The following ANO9 variants were observed in gnomAD, a reference collection of about 807,000 sequenced individuals.
The protein encoded by ANO9 is anoctamin-9.
Under a neutral mutation model 100.5 loss-of-function variants are expected in ANO9, and 80 were observed. The observed-to-expected ratio is 0.80, with a 90% CI of 0.66 to 0.96. The LOEUF is 0.96. Ranked by LOEUF, ANO9 falls within the 40% of genes least tolerant of loss-of-function variation. The pLI, the probability that ANO9 is intolerant of heterozygous loss-of-function variation, is 0.00. For synonymous variants in ANO9, 473 were observed against 435.6 expected, an observed-to-expected ratio of 1.09 and a Z score of -1.07; for missense variants, 1,064 against 1,072.7, an observed-to-expected ratio of 0.99 and a Z score of 0.11.
chr11:437,323 A>T (rs565721513), intron 1 of ANO9, among the ~76,000 whole-genome samples: 1 of 152,138 alleles, frequency 6.6e-6, no homozygotes, highest in East Asian at 1.9e-4. Flanking sequence ...GCACTAAGGC[A>T]TCCGACGCCC....
At position 432,424 on chromosome 11, in the gene ANO9, T is replaced by G; in HGVS notation, c.351-370A>C. On this transcript the variant is annotated intron_variant, in intron 4 of 22. Coordinates refer to ENST00000332826, the MANE Select transcript of ANO9 (RefSeq NM_001012302.3). The surrounding 1 kb of genome is among the most constrained non-coding windows in gnomAD (Gnocchi z 4.8). Reference sequence around the variant, plus strand: ...CCTGCATCCGCACACACCCTCCTTATACCCTGGAGCTGTTCTGTTCCACTG... The same window carrying G: ...CCTGCATCCGCACACACCCTCCTTAGACCCTGGAGCTGTTCTGTTCCACTG... The G allele has an allele frequency of 1.4e-4, 42 of 301,232 alleles. No individual in the cohort carries two copies. Among genetic ancestry groups the G allele is most frequent in the Non-Finnish European group, 2.2e-4 (35 of 156,128 alleles). The allele number at this position is 301,232 out of a possible 1,614,324, so 18.7% of individuals were successfully genotyped here. A position where few individuals can be genotyped will look rare whatever the true frequency, so the allele number is the denominator to read the frequency against.
chr11:433,100 T>C (rs914698750), intron 4 of ANO9: 5 of 607,494 alleles, frequency 8.2e-6, no homozygotes, highest in South Asian at 7.6e-5. Flanking sequence ...CAGAATGCTC[T>C]GAGCGTTGAG....
chr11:423,033 C>T (rs1848286723), intron 15 of ANO9, among the ~76,000 whole-genome samples: 1 of 152,000 alleles, frequency 6.6e-6, no homozygotes, highest in African/African-American at 2.4e-5. Flanking sequence ...TTTCACCATG[C>T]TGGCCAGGCT....
Position 434,060 on chromosome 11 carries a change from C to A in ANO9, c.45G>T (p.Gly15=), listed in dbSNP as rs1036361449. The part of the protein sequence containing the change: ...ESLRILVEPE[G]DSFPLMEIST... ...TGATCTCCATCAGCGGGAAGCTGTCCCCTTCGGGCTCCACCAGGATCCGGA... is the reference window on the plus strand; with the variant it reads ...TGATCTCCATCAGCGGGAAGCTGTCACCTTCGGGCTCCACCAGGATCCGGA... The change falls in exon 2 of 23, where the codon GGG becomes GGT. Residue 15 remains glycine (G), a synonymous_variant. Transcript: ENST00000332826. The A allele has an allele frequency of 6.4e-7, 1 of 1,551,004 alleles. No individual in the cohort carries two copies. Among genetic ancestry groups the A allele is most frequent in the East Asian group, 2.4e-5 (1 of 41,004 alleles).
rs1263503204 is a variant in ANO9 at position 420,944 on chromosome 11, C to T, written c.1490+1G>A. On this transcript the variant is annotated splice_donor_variant, in intron 17 of 22. Coordinates refer to ENST00000332826, the MANE Select transcript of ANO9 (RefSeq NM_001012302.3). LOFTEE classifies it high-confidence loss of function. ...GGGGCTGGGCGGGGGTCGGCACTCA[C>T]GGGACCAGGTACTCGACGCAGTTGC... The T allele has an allele frequency of 6.2e-7, 1 of 1,603,234 alleles. No individual in the cohort carries two copies. The highest frequency in any genetic ancestry group is 8.5e-7 in the Non-Finnish European group (1 of 1,173,954).
At position 432,663 on chromosome 11, in the gene ANO9, C is replaced by T. The variant is rs1452039191; in HGVS notation, c.351-609G>A. 7.7e-5 allele frequency: 12 copies of T among 156,446 alleles called. No individual in the cohort carries two copies. The highest frequency in any genetic ancestry group is 1.4e-4 in the Non-Finnish European group (10 of 70,950). 9.7% of individuals were successfully genotyped at this position (156,446 alleles called of 1,614,324 possible). ...CAAGCCACCTCCCCTCCTTTGATGC[C>T]GCCTCGCGACTCCCCAAGACCCATA... is the stretch of plus-strand genomic sequence containing the variant. On this transcript the variant is annotated intron_variant, in intron 4 of 22. Transcript: ENST00000332826. This position sits in a 1 kb window ranked among gnomAD's most constrained non-coding sequence, Gnocchi z 4.8.
intron 1 of ANO9, 113 bp downstream of exon 1, chr11:441,808 A>G (rs537246286): frequency 6.8e-7 from 1 of 1,464,558 alleles, no homozygotes; most frequent in African/African-American, 1.4e-5. Context: ...GACCCCCCCC[A>G]CACACACAGG....
intron 6 of ANO9, 34 bp downstream of exon 6, chr11:431,814 C>T (rs1849028867): frequency 3.7e-6 from 6 of 1,612,114 alleles, no homozygotes; most frequent in Non-Finnish European, 5.1e-6. Context: ...AGGGTCCCAC[C>T]CCAGGGCCCT....
At chr11:425,983 C>T (rs779657801) in intron 15 of ANO9, among the ~76,000 whole-genome samples, 7 of 152,214 alleles carry the variant, frequency 4.6e-5, no homozygotes, top group East Asian at 1.9e-4. Flanking sequence ...CCTCGTGCCT[C>T]GGCCTCCCAA....
chr11:431,796 C>T, intron 6 of ANO9, 29 bp from the exon 7 acceptor site: 1 of 1,612,296 alleles, frequency 6.2e-7, no homozygotes, highest in South Asian at 1.1e-5. Flanking sequence ...AGTGAGAGCC[C>T]CCATCCCAGG....
intron 15 of ANO9, among the ~76,000 whole-genome samples, chr11:423,292 G>C (rs1564908979): frequency 6.6e-6 from 1 of 152,116 alleles, no homozygotes; most frequent in Non-Finnish European, 1.5e-5. Flanking sequence ...CACAGCAAGG[G>C]GCTGGTACTG....
chr11:419,507 G>T (rs1848047484), intron 20 of ANO9, 75 bp downstream of exon 20: 2 of 1,559,892 alleles, frequency 1.3e-6, no homozygotes, highest in South Asian at 1.2e-5. Flanking sequence ...CAGGAGAAAG[G>T]GTCTGGATCC....
chr11:430,201 TG>T (rs754898504), intron 8 of ANO9, 22 bp from the exon 9 acceptor site: 1 of 1,550,286 alleles, frequency 6.5e-7, no homozygotes, highest in East Asian at 2.5e-5. Context: ...GGGATGAGGC[TG>T]GGGTCGGCTC....
At chr11:429,287 C>T (rs1848733127) in intron 11 of ANO9, among the ~76,000 whole-genome samples, 1 of 144,208 alleles carries the variant, frequency 6.9e-6, no homozygotes, top group Non-Finnish European at 1.5e-5. Context: ...TCACCCCACA[C>T]ATGGGGAGAC....
intron 11 of ANO9, 181 bp downstream of exon 11, chr11:429,389 G>A: frequency 7.1e-7 from 1 of 1,412,922 alleles, no homozygotes; most frequent in South Asian, 1.4e-5. Context: ...CCACACGTGG[G>A]GAGACAGACA....
chr11:432,727 T>TGCCAGGAGTGTCCTGG lies in ANO9; in HGVS notation c.350+586_350+587insCCAGGACACTCCTGGC, dbSNP rs1849118543. 1 of 154,934 alleles carries TGCCAGGAGTGTCCTGG rather than the reference T, an allele frequency of 6.5e-6. No individual in the cohort carries two copies. The highest frequency in any genetic ancestry group is 6.5e-5 in the Admixed American group (1 of 15,494). 9.6% of individuals were successfully genotyped at this position (154,934 alleles called of 1,614,324 possible). On this transcript the variant is annotated intron_variant, in intron 4 of 22. Transcript: ENST00000332826. This position sits in a 1 kb window ranked among gnomAD's most constrained non-coding sequence, Gnocchi z 4.8. ...GTGCCCTCCACTGCCTCGTAACCAA[T>TGCCAGGAGTGTCCTGG]GCCAGGAGTGTCCTTGGCCGGTCCA...
intron 1 of ANO9, 120 bp downstream of exon 1, chr11:441,801 C>CA: frequency 7.8e-7 from 1 of 1,279,358 alleles, no homozygotes; most frequent in Non-Finnish European, 1.1e-6. Context: ...CTGCAGGGAC[C>CA]CCCCCCACAC....
chr11:428,835 A>G lies in ANO9; in HGVS notation c.916-9T>C, dbSNP rs1020111182. ...TGAAGTGCCATTTCCTCCTGGGGAG[A>G]GCACCGGGCAAGCCTCAGACAAGGG... is the stretch of plus-strand genomic sequence containing the variant. On this transcript the variant is annotated splice_polypyrimidine_tract_variant and intron_variant, in intron 11 of 22. Transcript: ENST00000332826. 1.1e-5 allele frequency: 18 copies of G among 1,612,180 alleles called. No individual in the cohort carries two copies. Among genetic ancestry groups the G allele is most frequent in the Admixed American group, 3.3e-5 (2 of 59,918 alleles).
intron 1 of ANO9, among the ~76,000 whole-genome samples, chr11:439,176 C>T (rs1325675413): frequency 2.0e-5 from 3 of 152,240 alleles, no homozygotes; most frequent in Non-Finnish European, 2.9e-5. Context: ...CTTCCTGTCC[C>T]ACAGCCCTCA....
Sources: allele counts gnomAD v4.1 joint callset (sites outside exome capture counted in the v4.1 genomes callset), GRCh38; gene constraint gnomAD v4.1.1; non-coding constraint Gnocchi (gnomAD v3.1); transcripts MANE v1.5; gene names NCBI Gene and HGNC (gene_info 2026-07-23, HGNC 2026-07-21).